TENM2: variants seen among roughly 807,000 people sequenced by gnomAD.
TENM2 encodes the protein teneurin transmembrane protein 2.
TENM2 carries 52 observed loss-of-function variants against 245.2 expected under a neutral mutation model. The ratio of observed to expected loss-of-function variants is 0.21; its 90% CI spans 0.17 to 0.27. The LOEUF is 0.27. Ranked by LOEUF, TENM2 falls within the 10% of genes least tolerant of loss-of-function variation. TENM2 has a pLI of 1.00. For missense variants in TENM2, 3,046 were observed against 3,666.8 expected, an observed-to-expected ratio of 0.83 and a Z score of 4.37; for synonymous variants, 1,363 against 1,438.9, an observed-to-expected ratio of 0.95 and a Z score of 1.19.
chr5:168,244,425 T>C lies in TENM2; in HGVS notation c.5526T>C (p.His1842=). The C allele has an allele frequency of 1.3e-6, 2 of 1,538,704 alleles. No individual in the cohort carries two copies. The highest frequency in any genetic ancestry group is 8.8e-7 in the Non-Finnish European group (1 of 1,133,830). Residue 1842 remains histidine (H), a synonymous_variant, in exon 26 of 29, where the codon CAT becomes CAC. Coordinates refer to ENST00000518659, the Ensembl canonical transcript of TENM2. The surrounding 1 kb of genome is among the most constrained non-coding windows in gnomAD (Gnocchi z 4.9). ...GGCCTGTTGTGTTTTCCTAGGTCCA[T>C]GGAAGAAATCTCTTGTCCATTGACT...
the TENM2 span, among the ~76,000 whole-genome samples, chr5:167,037,162 A>G: frequency 6.6e-6 from 1 of 152,212 alleles, no homozygotes; most frequent in African/African-American, 2.4e-5. Context: ...GAATAAATGT[A>G]AAGATTTATT....
At chr5:167,472,136 T>A (rs2127513237) in intron 2 of TENM2, among the ~76,000 whole-genome samples, 1 of 152,274 alleles carries the variant, frequency 6.6e-6, no homozygotes, top group African/African-American at 2.4e-5. Flanking sequence ...CCTGCAATTT[T>A]TGTTTCCACT....
At chr5:167,704,214 T>C (rs140960553) in intron 2 of TENM2, among the ~76,000 whole-genome samples, 1 of 152,302 alleles carries the variant, frequency 6.6e-6, no homozygotes, top group South Asian at 2.1e-4. Context: ...TCTTCTCCAC[T>C]TACCTTCATG....
At chr5:168,113,548 T>G (rs1794844799) in intron 9 of TENM2, among the ~76,000 whole-genome samples, 1 of 150,834 alleles carries the variant, frequency 6.6e-6, no homozygotes, top group Non-Finnish European at 1.5e-5. Flanking sequence ...ACAGGTGGCT[T>G]ATCCTGTTAC....
rs188548613 is a variant in TENM2 at position 167,444,496 on chromosome 5, C to T, written c.502+69023C>T. Reference sequence around the variant, plus strand: ...TGTTGGCAAATATCTAAAATAAGAACAGAAATAATCACACCTGAAACAAAC... The same window carrying T: ...TGTTGGCAAATATCTAAAATAAGAATAGAAATAATCACACCTGAAACAAAC... On this transcript the variant is annotated intron_variant, in intron 2 of 28. Coordinates refer to ENST00000518659, the Ensembl canonical transcript of TENM2. Among the ~76,000 whole-genome samples, 579 of 152,164 alleles carry T rather than the reference C, an allele frequency of 3.8e-3. 3 individuals carry two copies. Among genetic ancestry groups the T allele is most frequent in the African/African-American group, 0.014 (563 of 41,532 alleles).
At chr5:167,078,727 C>A in the TENM2 span, among the ~76,000 whole-genome samples, 1 of 152,162 alleles carries the variant, frequency 6.6e-6, no homozygotes, top group Non-Finnish European at 1.5e-5. Flanking sequence ...CATCAAAAAA[C>A]CAACAGATCA....
At chr5:167,333,589 C>A (rs1292938572) in intron 1 of TENM2, among the ~76,000 whole-genome samples, 3 of 152,138 alleles carry the variant, frequency 2.0e-5, no homozygotes, top group African/African-American at 7.2e-5. Flanking sequence ...CGTTGAAGGA[C>A]AGGCAAATGG....
chr5:167,178,368 G>T, the TENM2 span, among the ~76,000 whole-genome samples: 1 of 152,202 alleles, frequency 6.6e-6, no homozygotes, highest in Admixed American at 6.5e-5. Context: ...AAAGCATCCA[G>T]ATTTTCTCTG....
intron 2 of TENM2, among the ~76,000 whole-genome samples, chr5:167,782,253 C>T (rs1039085231): frequency 4.8e-5 from 6 of 124,950 alleles, no homozygotes; most frequent in East Asian, 2.5e-4. Context: ...GTAGAGGTTG[C>T]GGTGAGCCAA....
intron 3 of TENM2, among the ~76,000 whole-genome samples, chr5:167,947,635 A>G (rs991029917): frequency 2.6e-5 from 4 of 152,212 alleles, no homozygotes; most frequent in Non-Finnish European, 4.4e-5. Context: ...GCCAGTTATC[A>G]TCAACCAGAG....
chr5:167,529,398 C>G (rs1169925884), intron 2 of TENM2, among the ~76,000 whole-genome samples: 1 of 152,182 alleles, frequency 6.6e-6, no homozygotes, highest in Non-Finnish European at 1.5e-5. Context: ...CTTGAACATT[C>G]TGTAATATTA....
intron 12 of TENM2, among the ~76,000 whole-genome samples, chr5:168,149,235 C>A (rs1419254292): frequency 6.6e-6 from 1 of 152,150 alleles, no homozygotes; most frequent in Non-Finnish European, 1.5e-5. Flanking sequence ...CGCGTCTCCA[C>A]TCTCAGCCAT....
At chr5:168,007,274 GC>G (rs2152064844) in intron 5 of TENM2, among the ~76,000 whole-genome samples, 1 of 152,106 alleles carries the variant, frequency 6.6e-6, no homozygotes, top group African/African-American at 2.4e-5. Context: ...GATTACAGGC[GC>G]CCGCCATCAC....
intron 2 of TENM2, among the ~76,000 whole-genome samples, chr5:167,656,719 G>T (rs1201593766): frequency 6.6e-6 from 1 of 151,896 alleles, no homozygotes; most frequent in African/African-American, 2.4e-5. Flanking sequence ...TATTTACTCT[G>T]TTACAGGTTC....
At chr5:167,326,346 C>A (rs1757075532) in intron 1 of TENM2, among the ~76,000 whole-genome samples, 1 of 151,838 alleles carries the variant, frequency 6.6e-6, no homozygotes, top group South Asian at 2.1e-4. Flanking sequence ...TGGAAATGGC[C>A]AAAAATCGTA....
the TENM2 span, among the ~76,000 whole-genome samples, chr5:167,030,401 C>T: frequency 2.6e-5 from 4 of 152,194 alleles, no homozygotes; most frequent in East Asian, 7.7e-4. Context: ...TCACCTTGCC[C>T]ACATCACTGC....
At chr5:168,211,437 C>A (rs1182547766) in intron 19 of TENM2, among the ~76,000 whole-genome samples, 2 of 152,204 alleles carry the variant, frequency 1.3e-5, no homozygotes, top group East Asian at 3.9e-4. Flanking sequence ...GTTTGCCATC[C>A]CTTCCTTAGT....
the TENM2 span, among the ~76,000 whole-genome samples, chr5:167,069,251 G>T: frequency 6.6e-6 from 1 of 151,998 alleles, no homozygotes; most frequent in African/African-American, 2.4e-5. Context: ...CTATTGTCTG[G>T]ATTTTTATAG....
At chr5:167,286,733 G>T (rs1020425195) in intron 1 of TENM2, among the ~76,000 whole-genome samples, 1 of 152,182 alleles carries the variant, frequency 6.6e-6, no homozygotes, top group African/African-American at 2.4e-5. Context: ...TATTAAAAGT[G>T]CATCCTGGCT....
Sources: gnomAD v4.1 joint callset for allele counts (sites outside exome capture counted in the v4.1 genomes callset) on GRCh38, gnomAD v4.1.1 for gene constraint, Gnocchi (gnomAD v3.1) non-coding constraint, MANE v1.5 for transcripts, NCBI Gene and HGNC (gene_info 2026-07-23, HGNC 2026-07-21) for gene names.